The following SMYD3 variants were observed in gnomAD, a reference collection of about 807,000 sequenced individuals.
SMYD3 encodes the protein histone-lysine N-methyltransferase SMYD3.
SMYD3 carries 36 observed loss-of-function variants against 57.7 expected under a neutral mutation model. The ratio of observed to expected loss-of-function variants is 0.62; its 90% CI spans 0.48 to 0.82. The LOEUF is 0.82. SMYD3 is among the 40% of genes least tolerant of loss of function. The pLI, the probability that SMYD3 is intolerant of heterozygous loss-of-function variation, is 0.00. For missense variants in SMYD3, 515 were observed against 538.8 expected (o/e 0.96, Z 0.44); for synonymous variants, 211 against 195.0 (o/e 1.08, Z -0.68).
At chr1:246,418,236 C>T (rs1479941342) in intron 1 of SMYD3, among the ~76,000 whole-genome samples, 1 of 152,184 alleles carries the variant, frequency 6.6e-6, no homozygotes, top group South Asian at 2.1e-4. Context: ...TGCTACAAGA[C>T]GGATAAACCG....
intron 3 of SMYD3, among the ~76,000 whole-genome samples, chr1:246,331,190 T>C (rs1239052593): frequency 6.6e-6 from 1 of 152,090 alleles, no homozygotes; most frequent in Non-Finnish European, 1.5e-5. Flanking sequence ...TTGAGAAAGA[T>C]ATTCACACTA....
At chr1:245,947,375 G>A (rs911411080) in intron 5 of SMYD3, 10 of 456,944 alleles carry the variant, frequency 2.2e-5, no homozygotes, top group African/African-American at 6.0e-5. Context: ...GAATAGAAAA[G>A]TAAGCTTCCT....
chr1:246,352,072 G>C (rs2065837584), intron 2 of SMYD3, among the ~76,000 whole-genome samples: 1 of 147,830 alleles, frequency 6.8e-6, no homozygotes, highest in South Asian at 2.2e-4. Context: ...GGGAGGTGGA[G>C]GTTGCAGGGA....
chr1:246,473,094 T>G (rs1200570166), intron 1 of SMYD3, among the ~76,000 whole-genome samples: 1 of 152,088 alleles, frequency 6.6e-6, no homozygotes, highest in Non-Finnish European at 1.5e-5. Context: ...TGACCTCAGG[T>G]GATCCACCTG....
chr1:246,469,406 G>T (rs2067928219), intron 1 of SMYD3, among the ~76,000 whole-genome samples: 1 of 152,232 alleles, frequency 6.6e-6, no homozygotes, highest in Non-Finnish European at 1.5e-5. Flanking sequence ...ACCAGGCTGA[G>T]AAGGCAAAGT....
chr1:246,248,506 C>G (rs1255929684), intron 5 of SMYD3, among the ~76,000 whole-genome samples: 1 of 152,036 alleles, frequency 6.6e-6, no homozygotes, highest in African/African-American at 2.4e-5. Context: ...GCTCTCTTCC[C>G]ATGTCAAAGC....
At chr1:246,443,089 T>C (rs1388074286) in intron 1 of SMYD3, among the ~76,000 whole-genome samples, 2 of 152,248 alleles carry the variant, frequency 1.3e-5, no homozygotes, top group African/African-American at 4.8e-5. Flanking sequence ...GTTGTTTTTG[T>C]TTTGTTTTAC....
At chr1:246,151,115 G>A (rs879147448) in intron 5 of SMYD3, among the ~76,000 whole-genome samples, 1 of 151,912 alleles carries the variant, frequency 6.6e-6, no homozygotes, top group Non-Finnish European at 1.5e-5. Flanking sequence ...GCGCGGTGGC[G>A]GGCACCTGTA....
intron 5 of SMYD3, among the ~76,000 whole-genome samples, chr1:246,010,696 A>G (rs2059265587): frequency 6.6e-6 from 1 of 152,238 alleles, no homozygotes; most frequent in Admixed American, 6.5e-5. Flanking sequence ...ATTAAAAGGC[A>G]AACTCATCCA....
intron 5 of SMYD3, among the ~76,000 whole-genome samples, chr1:246,246,124 T>C (rs568086527): frequency 2.6e-5 from 4 of 152,326 alleles, no homozygotes; most frequent in African/African-American, 9.6e-5. Flanking sequence ...TTCAGTTCTA[T>C]CAGACAACGA....
intron 1 of SMYD3, among the ~76,000 whole-genome samples, chr1:246,366,572 TAA>T (rs71563785): frequency 1.2e-4 from 17 of 139,582 alleles, no homozygotes; most frequent in Admixed American, 1.4e-4. Context: ...CTTTTTCTCT[TAA>T]AAAAAAAAAA....
intron 1 of SMYD3, among the ~76,000 whole-genome samples, chr1:246,364,249 T>C (rs2148720175): frequency 6.8e-6 from 1 of 146,714 alleles, no homozygotes; most frequent in South Asian, 2.2e-4. Context: ...ACCTGAATTG[T>C]AAAATAAAAA....
intron 5 of SMYD3, among the ~76,000 whole-genome samples, chr1:246,120,942 T>A (rs1428048991): frequency 2.0e-5 from 3 of 152,224 alleles, no homozygotes; most frequent in Non-Finnish European, 4.4e-5. Context: ...TTCTCAGTGT[T>A]GACAAAAATG....
At position 246,276,365 on chromosome 1, in the gene SMYD3, G is replaced by A. The variant is rs540963701; in HGVS notation, c.531+50836C>T. ...TACTAACTCCATTTTTTCACTACCCGTATTAACACTGGCAGGTTATTTAAT... is the reference window on the plus strand; with the variant it reads ...TACTAACTCCATTTTTTCACTACCCATATTAACACTGGCAGGTTATTTAAT... On this transcript the variant is annotated intron_variant, in intron 5 of 11. Coordinates refer to ENST00000490107, the MANE Select transcript of SMYD3 (RefSeq NM_001167740.2). Among the ~76,000 whole-genome samples the A allele has an allele frequency of 1.6e-5, 2 of 123,516 alleles. 1 individual carries two copies. Among genetic ancestry groups the A allele is most frequent in the Admixed American group, 1.7e-4 (2 of 12,082 alleles). The allele number at this position is 123,516 out of a possible 152,430, so 81.0% of individuals were successfully genotyped here. A position where few individuals can be genotyped will look rare whatever the true frequency, so the allele number is the denominator to read the frequency against.
At chr1:246,445,444 T>C (rs1019223983) in intron 1 of SMYD3, among the ~76,000 whole-genome samples, 2 of 152,176 alleles carry the variant, frequency 1.3e-5, no homozygotes, top group South Asian at 4.2e-4. Flanking sequence ...CCAATCAGAG[T>C]ATAGTTTAAG....
At chr1:245,920,987 A>G (rs923829890) in intron 7 of SMYD3, among the ~76,000 whole-genome samples, 5 of 152,256 alleles carry the variant, frequency 3.3e-5, no homozygotes, top group African/African-American at 1.2e-4. Context: ...AACTATCAAC[A>G]AAGTAAACAA....
chr1:246,098,536 C>T (rs1490044389), intron 5 of SMYD3, among the ~76,000 whole-genome samples: 1 of 152,040 alleles, frequency 6.6e-6, no homozygotes, highest in Non-Finnish European at 1.5e-5. Flanking sequence ...AATCTTTTTT[C>T]AAATTTCCCT....
intron 8 of SMYD3, among the ~76,000 whole-genome samples, chr1:245,868,614 T>C (rs2148508750): frequency 6.6e-6 from 1 of 152,314 alleles, no homozygotes; most frequent in African/African-American, 2.4e-5. Context: ...AAGCCTTTAT[T>C]TGCTTAACAG....
At chr1:246,471,913 T>C (rs2067966114) in intron 1 of SMYD3, among the ~76,000 whole-genome samples, 2 of 152,080 alleles carry the variant, frequency 1.3e-5, no homozygotes, top group Non-Finnish European at 2.9e-5. Flanking sequence ...AACCCAAATA[T>C]AGAAAGTGAA....
Sources: gnomAD v4.1 joint callset for allele counts (sites outside exome capture counted in the v4.1 genomes callset) on GRCh38, gnomAD v4.1.1 for gene constraint, MANE v1.5 for transcripts, NCBI Gene and HGNC (gene_info 2026-07-23, HGNC 2026-07-21) for gene names.